KANSL1: variants seen among roughly 807,000 people sequenced by gnomAD.
KANSL1 encodes the protein KAT8 regulatory NSL complex subunit 1.
KANSL1 carries 22 observed loss-of-function variants against 103.6 expected under a neutral mutation model. The ratio of observed to expected loss-of-function variants is 0.21; its 90% CI spans 0.15 to 0.30. The LOEUF is 0.30. KANSL1 is among the 10% of genes least tolerant of loss of function. The pLI, the probability that KANSL1 is intolerant of heterozygous loss-of-function variation, is 1.00. For missense variants in KANSL1, 1,337 were observed against 1,399.8 expected, an observed-to-expected ratio of 0.96 and a Z score of 0.72; for synonymous variants, 600 against 527.6, an observed-to-expected ratio of 1.14 and a Z score of -1.88.
At chr17:46,204,279 A>G (rs1241442369) in intron 1 of KANSL1, among the ~76,000 whole-genome samples, 1 of 151,818 alleles carries the variant, frequency 6.6e-6, no homozygotes. Flanking sequence ...CAACATGATA[A>G]AATTTTTGTA....
chr17:46,098,674 C>T (rs1162152067), intron 2 of KANSL1, among the ~76,000 whole-genome samples: 5 of 152,238 alleles, frequency 3.3e-5, no homozygotes, highest in Admixed American at 2.0e-4. Flanking sequence ...CTAAGGAATA[C>T]TAACAATTCC....
chr17:46,215,853 C>T (rs2148043482), intron 1 of KANSL1, among the ~76,000 whole-genome samples: 1 of 150,772 alleles, frequency 6.6e-6, no homozygotes, highest in East Asian at 1.9e-4. Context: ...CCAGCCTGGC[C>T]AACATGGTGA....
At chr17:46,054,697 C>T (rs1284683016) in intron 6 of KANSL1, among the ~76,000 whole-genome samples, 1 of 152,134 alleles carries the variant, frequency 6.6e-6, no homozygotes, top group African/African-American at 2.4e-5. Flanking sequence ...ACTCTCCTAG[C>T]TGACACTACC....
intron 2 of KANSL1, among the ~76,000 whole-genome samples, chr17:46,160,514 G>C (rs555112192): frequency 2.6e-5 from 4 of 152,264 alleles, no homozygotes; most frequent in African/African-American, 7.2e-5. Flanking sequence ...GGCTGCTCTA[G>C]AACTCCTGGG....
chr17:46,189,025 T>C (rs1403152871), intron 1 of KANSL1, among the ~76,000 whole-genome samples: 1 of 84,018 alleles, frequency 1.2e-5, no homozygotes, highest in Non-Finnish European at 2.0e-5. Context: ...AGAGCAAAGA[T>C]TGTCTCAAAA....
chr17:46,138,548 G>A (rs991666149), intron 2 of KANSL1, among the ~76,000 whole-genome samples: 3 of 152,186 alleles, frequency 2.0e-5, no homozygotes, highest in African/African-American at 7.2e-5. Context: ...CGTGGAACAA[G>A]TCATCCAAGA....
At chr17:46,042,830 T>C (rs1358601150) in intron 7 of KANSL1, 2 of 152,076 alleles carry the variant, frequency 1.3e-5, no homozygotes, top group East Asian at 3.8e-4. Flanking sequence ...GGGATGATTT[T>C]TCCCAGTGGG....
At position 46,066,863 on chromosome 17, in the gene KANSL1, A is replaced by C. The variant is rs2078396872; in HGVS notation, c.1653-131T>G. On this transcript the variant is annotated intron_variant, in intron 5 of 14. Coordinates refer to ENST00000432791, the MANE Select transcript of KANSL1 (RefSeq NM_015443.4). ...TATTTGCTAATGTTCAGACACAAAG[A>C]AGCATTCTAGAGCAGAAGCAGGTCT... 1.1e-5 allele frequency: 7 copies of C among 660,246 alleles called. 1 individual carries two copies. The highest frequency in any genetic ancestry group is 8.7e-5 in the Admixed American group (3 of 34,630). The allele number at this position is 660,246 out of a possible 1,614,324, so 40.9% of individuals were successfully genotyped here. A position where few individuals can be genotyped will look rare whatever the true frequency, so the allele number is the denominator to read the frequency against.
intron 1 of KANSL1, among the ~76,000 whole-genome samples, chr17:46,185,886 T>C (rs2047008860): frequency 6.6e-6 from 1 of 152,152 alleles, no homozygotes; most frequent in Admixed American, 6.5e-5. Context: ...AGGATGTCTA[T>C]ATATCAAACT....
chr17:46,063,813 T>G (rs2078264866), intron 6 of KANSL1, among the ~76,000 whole-genome samples: 1 of 151,702 alleles, frequency 6.6e-6, no homozygotes, highest in Non-Finnish European at 1.5e-5. Flanking sequence ...TCAGAAAATT[T>G]TTATACGACT....
chr17:46,174,967 T>C (rs1240588651), intron 1 of KANSL1, among the ~76,000 whole-genome samples: 1 of 152,256 alleles, frequency 6.6e-6, no homozygotes, highest in South Asian at 2.1e-4. Context: ...GAATTACTTA[T>C]TAAATATTTT....
intron 1 of KANSL1, among the ~76,000 whole-genome samples, chr17:46,205,305 T>C (rs1045639519): frequency 6.6e-6 from 1 of 152,170 alleles, no homozygotes; most frequent in Non-Finnish European, 1.5e-5. Flanking sequence ...AGTAATCGTA[T>C]TTCTATACAC....
intron 6 of KANSL1, among the ~76,000 whole-genome samples, chr17:46,063,639 C>T (rs1335987579): frequency 2.0e-5 from 3 of 152,188 alleles, no homozygotes; most frequent in South Asian, 4.1e-4. Flanking sequence ...TAGAAAGTGG[C>T]ATTGGAACAA....
chr17:46,213,370 A>C (rs1301929994), intron 1 of KANSL1, among the ~76,000 whole-genome samples: 3 of 152,006 alleles, frequency 2.0e-5, no homozygotes, highest in South Asian at 2.1e-4. Flanking sequence ...GCGTGATCTC[A>C]GCTCACTGCA....
At chr17:46,200,866 T>A (rs1204751213) in intron 1 of KANSL1, among the ~76,000 whole-genome samples, 1 of 152,136 alleles carries the variant, frequency 6.6e-6, no homozygotes, top group African/African-American at 2.4e-5. Flanking sequence ...GGCAGACCTG[T>A]TTCCTCCAAT....
chr17:46,220,043 C>G (rs2048474760), intron 1 of KANSL1, among the ~76,000 whole-genome samples: 2 of 151,898 alleles, frequency 1.3e-5, no homozygotes, highest in African/African-American at 4.8e-5. Context: ...GCACAGTTTG[C>G]AGTGAGCCGA....
intron 2 of KANSL1, among the ~76,000 whole-genome samples, chr17:46,127,601 T>C (rs1179867924): frequency 6.6e-6 from 1 of 151,986 alleles, no homozygotes; most frequent in South Asian, 2.1e-4. Context: ...TGGTAAAATT[T>C]TGCCTCTATA....
chr17:46,036,870 C>T (rs943381429), intron 10 of KANSL1, among the ~76,000 whole-genome samples: 1 of 152,108 alleles, frequency 6.6e-6, no homozygotes, highest in African/African-American at 2.4e-5. Flanking sequence ...TGCCACCACG[C>T]CCAGTTAATT....
At chr17:46,211,572 A>G (rs1021208442) in intron 1 of KANSL1, among the ~76,000 whole-genome samples, 7 of 152,226 alleles carry the variant, frequency 4.6e-5, no homozygotes, top group African/African-American at 1.7e-4. Context: ...TATAACTAAA[A>G]TGCAGTTCTG....
Sources: gnomAD v4.1 joint callset for allele counts (sites outside exome capture counted in the v4.1 genomes callset) on GRCh38, gnomAD v4.1.1 for gene constraint, MANE v1.5 for transcripts, NCBI Gene and HGNC (gene_info 2026-07-23, HGNC 2026-07-21) for gene names.